The following PABPC4L variants were observed in gnomAD, a reference collection of about 807,000 sequenced individuals.
PABPC4L encodes the protein polyadenylate-binding protein 4-like.
For missense variants in PABPC4L, 452 were observed against 451.4 expected, an observed-to-expected ratio of 1.00 and a Z score of -0.01; for synonymous variants, 169 against 164.1, an observed-to-expected ratio of 1.03 and a Z score of -0.23.
the PABPC4L span, among the ~76,000 whole-genome samples, chr4:134,177,885 C>G: frequency 6.6e-6 from 1 of 152,034 alleles, no homozygotes; most frequent in Admixed American, 6.6e-5. Flanking sequence ...CACCCTCCCC[C>G]ACCATTAATA....
chr4:133,954,262 T>C, the PABPC4L span, among the ~76,000 whole-genome samples: 1 of 152,168 alleles, frequency 6.6e-6, no homozygotes, highest in Non-Finnish European at 1.5e-5. Flanking sequence ...TCCCAGGGAT[T>C]TTCAATGGGT....
the PABPC4L span, among the ~76,000 whole-genome samples, chr4:133,991,435 T>A: frequency 6.6e-6 from 1 of 152,172 alleles, no homozygotes; most frequent in Non-Finnish European, 1.5e-5. Flanking sequence ...TTAATTACTG[T>A]TTGAATGCCA....
At chr4:134,137,742 T>G in the PABPC4L span, among the ~76,000 whole-genome samples, 4 of 151,924 alleles carry the variant, frequency 2.6e-5, no homozygotes, top group African/African-American at 9.7e-5. Flanking sequence ...CGTAGTTCCA[T>G]CCTACATTCT....
chr4:134,187,200 A>C, the PABPC4L span, among the ~76,000 whole-genome samples: 1 of 151,994 alleles, frequency 6.6e-6, no homozygotes, highest in South Asian at 2.1e-4. Context: ...GGGACATATA[A>C]CCAAAGGATT....
chr4:134,096,368 T>G, the PABPC4L span, among the ~76,000 whole-genome samples: 1 of 151,918 alleles, frequency 6.6e-6, no homozygotes, highest in African/African-American at 2.4e-5. Flanking sequence ...CTTTGATAAA[T>G]TACTAGTTGT....
At chr4:134,008,821 G>A in the PABPC4L span, among the ~76,000 whole-genome samples, 1 of 151,526 alleles carries the variant, frequency 6.6e-6, no homozygotes, top group East Asian at 1.9e-4. Flanking sequence ...TCTTGACAAA[G>A]GTGCTCTTAC....
At chr4:133,977,137 G>T in the PABPC4L span, among the ~76,000 whole-genome samples, 1 of 152,124 alleles carries the variant, frequency 6.6e-6, no homozygotes, top group Non-Finnish European at 1.5e-5. Flanking sequence ...CATATGGCTA[G>T]CCAGTTCTCC....
chr4:134,138,028 T>C, the PABPC4L span, among the ~76,000 whole-genome samples: 1 of 151,804 alleles, frequency 6.6e-6, no homozygotes, highest in Non-Finnish European at 1.5e-5. Context: ...ATTTATATGA[T>C]ATCTAAGCCA....
At chr4:134,053,150 C>G in the PABPC4L span, among the ~76,000 whole-genome samples, 1 of 152,016 alleles carries the variant, frequency 6.6e-6, no homozygotes, top group Non-Finnish European at 1.5e-5. Flanking sequence ...CTGTTGCTCA[C>G]TTAGTTCAAC....
chr4:134,014,614 C>T, the PABPC4L span, among the ~76,000 whole-genome samples: 1 of 152,092 alleles, frequency 6.6e-6, no homozygotes, highest in Admixed American at 6.6e-5. Flanking sequence ...TGACTGACTC[C>T]TTCCCAGATC....
chr4:133,972,140 T>A, the PABPC4L span, among the ~76,000 whole-genome samples: 1 of 152,184 alleles, frequency 6.6e-6, no homozygotes, highest in Non-Finnish European at 1.5e-5. Context: ...ATTGTTCTCA[T>A]TGCTTAGATC....
At chr4:134,133,797 C>G in the PABPC4L span, among the ~76,000 whole-genome samples, 1 of 151,802 alleles carries the variant, frequency 6.6e-6, no homozygotes, top group African/African-American at 2.4e-5. Flanking sequence ...AATGAAACAC[C>G]ACATATTCCC....
chr4:134,083,133 T>G, the PABPC4L span, among the ~76,000 whole-genome samples: 1 of 152,130 alleles, frequency 6.6e-6, no homozygotes, highest in African/African-American at 2.4e-5. Context: ...AACCTACTAT[T>G]TGAAGAAAAA....
At chr4:134,139,983 A>T in the PABPC4L span, among the ~76,000 whole-genome samples, 1 of 151,962 alleles carries the variant, frequency 6.6e-6, no homozygotes, top group Middle Eastern at 3.4e-3. Flanking sequence ...TCATTGTATT[A>T]ATTTTGTTAT....
At chr4:134,097,851 T>C in the PABPC4L span, among the ~76,000 whole-genome samples, 6 of 151,914 alleles carry the variant, frequency 3.9e-5, no homozygotes, top group Admixed American at 3.3e-4. Flanking sequence ...CTTGATGCTG[T>C]TTTTACTTTC....
chr4:134,069,459 T>A, the PABPC4L span, among the ~76,000 whole-genome samples: 1 of 152,190 alleles, frequency 6.6e-6, no homozygotes, highest in Non-Finnish European at 1.5e-5. Context: ...GGGACATCAA[T>A]GACACACATA....
chr4:134,186,745 G>A, the PABPC4L span, among the ~76,000 whole-genome samples: 3,050 of 152,200 alleles, frequency 0.02, 53 homozygotes, highest in Non-Finnish European at 0.033. Flanking sequence ...TACCATCAGC[G>A]TGAACAGGCA....
downstream of PABPC4L, among the ~76,000 whole-genome samples, chr4:134,195,069 C>A (rs1361356919): frequency 6.6e-6 from 1 of 151,642 alleles, no homozygotes; most frequent in Non-Finnish European, 1.5e-5. Flanking sequence ...CATTTGTATA[C>A]AAACTATATA....
At chr4:133,960,032 T>A in the PABPC4L span, among the ~76,000 whole-genome samples, 14,056 of 152,274 alleles carry the variant, frequency 0.092, 794 homozygotes, top group Admixed American at 0.19. Context: ...AACGATATTC[T>A]TTTTTGGACA....
Sources: allele counts gnomAD v4.1 joint callset (sites outside exome capture counted in the v4.1 genomes callset), GRCh38; gene constraint gnomAD v4.1.1; transcripts MANE v1.5; gene names NCBI Gene and HGNC (gene_info 2026-07-23, HGNC 2026-07-21).